The following UBAC1 variants were observed in gnomAD, a reference collection of about 807,000 sequenced individuals.
UBAC1 encodes the protein ubiquitin-associated domain-containing protein 1.
A neutral mutation model predicts 45.9 loss-of-function variants in UBAC1; 27 were observed. That is an observed-to-expected ratio of 0.59 (90% CI 0.43 to 0.81). The LOEUF (loss-of-function observed/expected upper bound fraction) is 0.81. Among genes scored for constraint, UBAC1 ranks in the 30% least tolerant of loss-of-function variants. The pLI, the probability that UBAC1 is intolerant of heterozygous loss-of-function variation, is 0.00. For synonymous variants in UBAC1, 227 were observed against 215.5 expected, an observed-to-expected ratio of 1.05 and a Z score of -0.47; for missense variants, 529 against 539.2, an observed-to-expected ratio of 0.98 and a Z score of 0.19.
At chr9:135,946,831 C>T (rs1412765444) in intron 4 of UBAC1, among the ~76,000 whole-genome samples, 2 of 152,206 alleles carry the variant, frequency 1.3e-5, no homozygotes, top group East Asian at 1.9e-4. Context: ...TGGGATGGAC[C>T]GGAGATGCCC....
At position 135,945,189 on chromosome 9, in the gene UBAC1, T is replaced by C. The variant is rs1293887424; in HGVS notation, c.715A>G (p.Thr239Ala). The C allele has an allele frequency of 6.2e-7, 1 of 1,612,636 alleles. No individual in the cohort carries two copies. The highest frequency in any genetic ancestry group is 8.5e-7 in the Non-Finnish European group (1 of 1,179,576). Residue 239 changes from threonine to alanine, a missense_variant, in exon 7 of 10, where the codon ACG (threonine) becomes GCG (alanine). Thr to Ala is a moderately conservative substitution (Grantham distance 58). Coordinates refer to ENST00000371756, the MANE Select transcript of UBAC1 (RefSeq NM_016172.3). ...IEHAEDPTIDTPLPGQAPPEA... is the reference protein window; with the variant it reads ...IEHAEDPTIDAPLPGQAPPEA... The stretch of plus-strand genomic sequence containing the variant: ...GGGGGAGCTTGGCCAGGAAGAGGCG[T>C]GTCTATGGTCGGGTCTTCTGCGTGT...
chr9:135,944,781 G>A (rs1005807654), intron 7 of UBAC1, among the ~76,000 whole-genome samples: 6 of 152,222 alleles, frequency 3.9e-5, no homozygotes, highest in East Asian at 1.9e-4. Flanking sequence ...AAACTGGGGC[G>A]CCTGGATTCA....
chr9:135,953,729 C>T lies in UBAC1; in HGVS notation c.284G>A (p.Arg95His), dbSNP rs559087791. The change falls in exon 3 of 10, where the codon CGT (arginine) becomes CAT (histidine). Residue 95 changes from arginine to histidine, a missense_variant. Physicochemically the swap from Arg to His is conservative, Grantham distance 29. Coordinates refer to ENST00000371756, the MANE Select transcript of UBAC1 (RefSeq NM_016172.3). ...CATCTTGGGAAGTGGTGATGGAGCA[C>T]GCTTTTTTATCAATAATAGGACATC... Reference protein sequence around the residue: ...DQDVLLLIKKRAPSPLPKMAD... With the variant: ...DQDVLLLIKKHAPSPLPKMAD... The T allele has an allele frequency of 2.0e-5, 33 of 1,613,964 alleles. No individual in the cohort carries two copies. Among genetic ancestry groups the T allele is most frequent in the South Asian group, 1.2e-4 (11 of 91,086 alleles).
intron 1 of UBAC1, 66 bp downstream of exon 1, chr9:135,960,959 G>A (rs1839528067): frequency 1.1e-5 from 15 of 1,389,856 alleles, no homozygotes; most frequent in Admixed American, 2.8e-5. Flanking sequence ...CGGGGACTGA[G>A]GCGGGGTCCG....
rs115013139 is a variant in UBAC1 at position 135,934,907 on chromosome 9, G to A, written c.1103-1392C>T. On this transcript the variant is annotated intron_variant, in intron 9 of 9. Coordinates refer to ENST00000371756, the MANE Select transcript of UBAC1 (RefSeq NM_016172.3). ...GAATTTAATTTTTTTTTGAGACAGC[G>A]ACTTGCTTTGTTGCCCAGGCTGGAG... 8.2e-3 allele frequency among the ~76,000 whole-genome samples: 1,242 copies of A among 152,142 alleles called. 20 individuals carry two copies. The highest frequency in any genetic ancestry group is 0.027 in the African/African-American group (1,134 of 41,512).
chr9:135,959,505 G>A (rs1324458695), intron 1 of UBAC1, among the ~76,000 whole-genome samples: 1 of 151,412 alleles, frequency 6.6e-6, no homozygotes, highest in Non-Finnish European at 1.5e-5. Flanking sequence ...CTCCCAAGTA[G>A]CTGGGATTAC....
rs1588538252 is a variant in UBAC1, at chr9:135,961,065, T to A, written c.98A>T (p.Asp33Val). The A allele has an allele frequency of 1.3e-6, 2 of 1,581,028 alleles. No homozygotes were observed. Among genetic ancestry groups the A allele is most frequent in the Middle Eastern group, 1.7e-4 (1 of 5,758 alleles). ...GAEWLEEATEDTSVEKLKERC... is the reference protein window; with the variant it reads ...GAEWLEEATEVTSVEKLKERC... ...CTCCTTGAGCTTCTCCACCGAGGTGTCCTCGGTGGCCTCCTCCAGCCACTC... is the reference window on the plus strand; with the variant it reads ...CTCCTTGAGCTTCTCCACCGAGGTGACCTCGGTGGCCTCCTCCAGCCACTC... Residue 33 changes from aspartate (D) to valine (V), a missense_variant, in exon 1 of 10, where the codon GAC (aspartate) becomes GTC (valine). By Grantham distance (152) the Asp-to-Val change is radical. Coordinates refer to ENST00000371756, the MANE Select transcript of UBAC1 (RefSeq NM_016172.3).
intron 2 of UBAC1, among the ~76,000 whole-genome samples, chr9:135,954,138 T>TAAAAA (rs1461891584): frequency 1.9e-5 from 2 of 103,614 alleles, no homozygotes. Context: ...GACTTCATCT[T>TAAAAA]AAAAAAAAAA....
chr9:135,944,232 G>C (rs949453561), intron 7 of UBAC1, among the ~76,000 whole-genome samples: 2 of 152,228 alleles, frequency 1.3e-5, no homozygotes, highest in African/African-American at 2.4e-5. Context: ...GGACATGGTG[G>C]GGCAGGGGCC....
chr9:135,938,329 G>A lies in UBAC1; in HGVS notation c.995C>T (p.Ser332Phe), dbSNP rs1839224274. 6.2e-7 allele frequency: 1 copy of A among 1,613,942 alleles called. No homozygotes were observed. The highest frequency in any genetic ancestry group is 8.5e-7 in the Non-Finnish European group (1 of 1,180,032). Residue 332 changes from serine to phenylalanine, a missense_variant, in exon 9 of 10, where the codon TCT becomes TTT. Physicochemically the swap from Ser to Phe is radical, Grantham distance 155. Transcript: ENST00000371756. ...CEWLLGDRKP[S>F]PEELDKGIDP... Reference sequence around the variant, plus strand: ...GATGCCCTTGTCCAGCTCCTCCGGAGAGGGCTTCCGGTCCCCCAGCAGCCA... The same window carrying A: ...GATGCCCTTGTCCAGCTCCTCCGGAAAGGGCTTCCGGTCCCCCAGCAGCCA...
chr9:135,945,199 C>G lies in UBAC1; in HGVS notation c.705G>C (p.Pro235=), dbSNP rs774235177. 2.5e-6 allele frequency: 4 copies of G among 1,611,556 alleles called. No individual in the cohort carries two copies. In the African/African-American group the frequency reaches 4.0e-5, roughly 16 times the overall value. ...MEWLIEHAED[P]TIDTPLPGQA... ...GGCCAGGAAGAGGCGTGTCTATGGT[C>G]GGGTCTTCTGCGTGTTCAATTAGCC... The change falls in exon 7 of 10, where the codon CCG becomes CCC. Residue 235 remains proline, a synonymous_variant. Coordinates refer to ENST00000371756, the MANE Select transcript of UBAC1 (RefSeq NM_016172.3).
intron 3 of UBAC1, 38 bp from the exon 4 acceptor site, chr9:135,947,943 TAAGAGCA>T (rs1250521570): frequency 6.3e-7 from 1 of 1,578,936 alleles, no homozygotes; most frequent in Non-Finnish European, 8.7e-7. Flanking sequence ...GAGGTGAACG[TAAGAGCA>T]GCAAAAAGAC....
chr9:135,943,909 G>A (rs980002015), intron 7 of UBAC1, among the ~76,000 whole-genome samples: 1 of 152,174 alleles, frequency 6.6e-6, no homozygotes, highest in Non-Finnish European at 1.5e-5. Context: ...TTATAAGTGG[G>A]AGCTGAAAAA....
At chr9:135,958,808 T>G (rs1253610679) in intron 1 of UBAC1, among the ~76,000 whole-genome samples, 1 of 152,218 alleles carries the variant, frequency 6.6e-6, no homozygotes, top group African/African-American at 2.4e-5. Flanking sequence ...GTGGGGAACC[T>G]TTCTGACGCT....
intron 7 of UBAC1, among the ~76,000 whole-genome samples, chr9:135,942,488 A>C (rs1839281200): frequency 6.6e-6 from 1 of 152,126 alleles, no homozygotes; most frequent in Non-Finnish European, 1.5e-5. Context: ...CTATCTGTAC[A>C]AAATTTTAAA....
chr9:135,957,270 A>G (rs181076192), intron 1 of UBAC1, among the ~76,000 whole-genome samples: 1 of 152,262 alleles, frequency 6.6e-6, no homozygotes, highest in East Asian at 1.9e-4. Flanking sequence ...CACTCCTGCC[A>G]TTTACAACAG....
At chr9:135,960,215 C>T (rs1273001076) in intron 1 of UBAC1, among the ~76,000 whole-genome samples, 3 of 152,192 alleles carry the variant, frequency 2.0e-5, no homozygotes, top group Non-Finnish European at 4.4e-5. Context: ...GTCAGTCTGA[C>T]ACACAGACAG....
At chr9:135,954,745 C>T (rs1416526751) in intron 2 of UBAC1, among the ~76,000 whole-genome samples, 1 of 152,226 alleles carries the variant, frequency 6.6e-6, no homozygotes. Flanking sequence ...CCTCGGCCCA[C>T]GACGGTGCCC....
chr9:135,956,119 G>C (rs1186064315), intron 1 of UBAC1, among the ~76,000 whole-genome samples: 2 of 152,196 alleles, frequency 1.3e-5, no homozygotes, highest in African/African-American at 2.4e-5. Flanking sequence ...GCAACACATG[G>C]GTAGCAGTGA....
Sources: allele counts gnomAD v4.1 joint callset (sites outside exome capture counted in the v4.1 genomes callset), GRCh38; gene constraint gnomAD v4.1.1; transcripts MANE v1.5; gene names NCBI Gene and HGNC (gene_info 2026-07-23, HGNC 2026-07-21).